Variants in ANO3 observed in about 807,000 individuals in gnomAD.
ANO3 encodes the protein anoctamin-3.
A neutral mutation model predicts 144.8 loss-of-function variants in ANO3; 99 were observed. The observed-to-expected ratio is 0.68, with a 90% CI of 0.58 to 0.81. ANO3 has a LOEUF of 0.81. ANO3 is among the 30% of genes least tolerant of loss of function. ANO3 has a pLI of 0.00. For synonymous variants in ANO3, 414 were observed against 392.6 expected (o/e 1.05, Z -0.64); for missense variants, 905 against 1,202.2 (o/e 0.75, Z 3.66).
chr11:26,627,130 T>C (rs970376001), intron 18 of ANO3, among the ~76,000 whole-genome samples: 1 of 152,016 alleles, frequency 6.6e-6, no homozygotes, highest in Non-Finnish European at 1.5e-5. Flanking sequence ...TATATATATA[T>C]ACAAGGAGAT....
intron 1 of ANO3, among the ~76,000 whole-genome samples, chr11:26,230,556 G>A (rs1272640413): frequency 6.6e-6 from 1 of 151,654 alleles, no homozygotes; most frequent in Non-Finnish European, 1.5e-5. Flanking sequence ...CAGCATTTTG[G>A]GAGGCCAAGG....
At chr11:26,235,940 C>T (rs1852512401) in intron 1 of ANO3, among the ~76,000 whole-genome samples, 1 of 152,076 alleles carries the variant, frequency 6.6e-6, no homozygotes, top group African/African-American at 2.4e-5. Flanking sequence ...TAGCCAATCT[C>T]AATATTATGT....
At chr11:26,415,274 T>G (rs1857551424) in intron 1 of ANO3, among the ~76,000 whole-genome samples, 1 of 151,994 alleles carries the variant, frequency 6.6e-6, no homozygotes, top group African/African-American at 2.4e-5. Context: ...AAAACGAGAG[T>G]GCTATTGAAA....
intron 12 of ANO3, among the ~76,000 whole-genome samples, chr11:26,552,843 C>T (rs1018635837): frequency 3.9e-5 from 6 of 152,036 alleles, no homozygotes; most frequent in African/African-American, 1.2e-4. Context: ...ATTGTGTGAT[C>T]ACCAGACTTG....
chr11:26,542,108 G>C (rs1437654066), intron 11 of ANO3, 40 bp downstream of exon 11: 23 of 1,587,308 alleles, frequency 1.4e-5, no homozygotes, highest in Non-Finnish European at 2.0e-5. Context: ...AAAGTATTCT[G>C]TTTTGTGTCA....
intron 1 of ANO3, among the ~76,000 whole-genome samples, chr11:26,369,441 T>G (rs1856187265): frequency 6.6e-6 from 1 of 152,180 alleles, no homozygotes; most frequent in South Asian, 2.1e-4. Context: ...TTCCTACCAT[T>G]TCTCCTTTTC....
At chr11:26,316,686 T>C (rs1854633445) in intron 1 of ANO3, among the ~76,000 whole-genome samples, 2 of 152,142 alleles carry the variant, frequency 1.3e-5, no homozygotes, top group South Asian at 2.1e-4. Flanking sequence ...CCCTATCTTA[T>C]CCATATGAAC....
upstream of ANO3, among the ~76,000 whole-genome samples, chr11:26,328,994 A>G (rs756417445): frequency 2.0e-5 from 3 of 152,020 alleles, no homozygotes; most frequent in Non-Finnish European, 4.4e-5. Context: ...TGTGTATTAT[A>G]CATTAATCAT....
At chr11:26,534,597 C>A in intron 9 of ANO3, 35 bp downstream of exon 9, 1 of 1,438,366 alleles carries the variant, frequency 7.0e-7, no homozygotes, top group Non-Finnish European at 9.7e-7. Flanking sequence ...GTAGAACTTG[C>A]TGTTACTATT....
At chr11:26,533,254 T>C (rs992022457) in intron 8 of ANO3, among the ~76,000 whole-genome samples, 2 of 152,156 alleles carry the variant, frequency 1.3e-5, no homozygotes, top group African/African-American at 2.4e-5. Context: ...GAAATAGCTC[T>C]TTTTGTCGGG....
intron 17 of ANO3, among the ~76,000 whole-genome samples, chr11:26,619,495 A>T (rs1487563270): frequency 6.6e-6 from 1 of 151,886 alleles, no homozygotes; most frequent in South Asian, 2.1e-4. Flanking sequence ...ATTTTTTGAG[A>T]TGGAGTCTCA....
intron 23 of ANO3, among the ~76,000 whole-genome samples, chr11:26,644,896 T>C (rs1361283697): frequency 6.6e-6 from 1 of 152,072 alleles, no homozygotes; most frequent in African/African-American, 2.4e-5. Flanking sequence ...TATGTGTGTG[T>C]ACATATATAT....
At chr11:26,369,388 C>G (rs1856185738) in intron 1 of ANO3, among the ~76,000 whole-genome samples, 1 of 152,090 alleles carries the variant, frequency 6.6e-6, no homozygotes, top group Non-Finnish European at 1.5e-5. Flanking sequence ...TTTCTCACCT[C>G]CTCCTCCTTC....
intron 14 of ANO3, among the ~76,000 whole-genome samples, chr11:26,576,504 T>A (rs969616131): frequency 6.6e-6 from 1 of 152,166 alleles, no homozygotes; most frequent in African/African-American, 2.4e-5. Context: ...CAGCACATAG[T>A]AGTTACTCAA....
chr11:26,559,481 T>G (rs1304213290), intron 13 of ANO3: 1 of 450,312 alleles, frequency 2.2e-6, no homozygotes, highest in Non-Finnish European at 4.0e-6. Flanking sequence ...TGGTGGGGTA[T>G]AAAGGGAATC....
At chr11:26,439,552 G>A (rs532389277) in intron 1 of ANO3, among the ~76,000 whole-genome samples, 1 of 152,186 alleles carries the variant, frequency 6.6e-6, no homozygotes, top group Non-Finnish European at 1.5e-5. Flanking sequence ...AGTGATGTTT[G>A]CACGACTCTG....
chr11:26,259,916 C>T (rs1245095957), intron 1 of ANO3, among the ~76,000 whole-genome samples: 1 of 152,038 alleles, frequency 6.6e-6, no homozygotes. Flanking sequence ...AACACGTTAC[C>T]CTGGCATCTG....
chr11:26,635,028 A>G lies in ANO3; in HGVS notation c.2001A>G (p.Pro667=). ...CTTCTTACAGATTCGTAGGCCACCC[A>G]GGAAAATACAATAAACTTTTTGACC... The part of the protein sequence containing the change: ...AFFLGRFVGH[P]GKYNKLFDRW... Residue 667 remains proline (P), a synonymous_variant, in exon 20 of 27, where the codon CCA becomes CCG. Transcript: ENST00000256737. 1 of 1,613,670 alleles carries G rather than the reference A, an allele frequency of 6.2e-7. No homozygotes were observed. Among genetic ancestry groups the G allele is most frequent in the Non-Finnish European group, 8.5e-7 (1 of 1,179,636 alleles).
chr11:26,404,298 T>A (rs1473469367), intron 1 of ANO3, among the ~76,000 whole-genome samples: 1 of 151,848 alleles, frequency 6.6e-6, no homozygotes, highest in Non-Finnish European at 1.5e-5. Context: ...AAGTTTTACC[T>A]TCTATTTTGC....
Sources: allele counts gnomAD v4.1 joint callset (sites outside exome capture counted in the v4.1 genomes callset), GRCh38; gene constraint gnomAD v4.1.1; transcripts MANE v1.5; gene names NCBI Gene and HGNC (gene_info 2026-07-23, HGNC 2026-07-21).